Variants in CNTNAP2 observed in about 807,000 individuals in gnomAD.
CNTNAP2 encodes contactin-associated protein-like 2.
CNTNAP2 carries 98 observed loss-of-function variants against 155.2 expected under a neutral mutation model. The observed-to-expected ratio is 0.63, with a 90% confidence interval of 0.54 to 0.75. CNTNAP2 has a LOEUF of 0.75. CNTNAP2 is among the 30% of genes least tolerant of loss of function. The pLI is 0.00. For synonymous variants in CNTNAP2, 651 were observed against 631.2 expected, an observed-to-expected ratio of 1.03 and a Z score of -0.47; for missense variants, 1,727 against 1,688.1, an observed-to-expected ratio of 1.02 and a Z score of -0.40.
chr7:147,519,364 A>C (rs1403714940), intron 11 of CNTNAP2, among the ~76,000 whole-genome samples: 1 of 152,152 alleles, frequency 6.6e-6, no homozygotes, highest in East Asian at 1.9e-4. Context: ...TCACTTGTTA[A>C]GATCCTTGTG....
intron 4 of CNTNAP2, among the ~76,000 whole-genome samples, chr7:147,079,249 C>T (rs1800063971): frequency 6.6e-6 from 1 of 152,074 alleles, no homozygotes; most frequent in African/African-American, 2.4e-5. Flanking sequence ...ACTGAGGTCA[C>T]AGGGAGGTTG....
intron 13 of CNTNAP2, among the ~76,000 whole-genome samples, chr7:147,727,340 A>G (rs1264542684): frequency 1.3e-5 from 2 of 152,026 alleles, no homozygotes; most frequent in East Asian, 3.9e-4. Context: ...TTTAGGTACC[A>G]GGTAAAGAGA....
chr7:147,592,992 A>G (rs1057068378), intron 12 of CNTNAP2, among the ~76,000 whole-genome samples: 1 of 152,220 alleles, frequency 6.6e-6, no homozygotes, highest in Admixed American at 6.5e-5. Flanking sequence ...GAAAAACAAG[A>G]TTAAACCTTA....
At chr7:147,635,797 T>C (rs1795171109) in intron 12 of CNTNAP2, among the ~76,000 whole-genome samples, 1 of 152,198 alleles carries the variant, frequency 6.6e-6, no homozygotes, top group Non-Finnish European at 1.5e-5. Flanking sequence ...AAGACGTTTA[T>C]GACCCTTTAA....
Position 146,908,285 on chromosome 7 carries a change from T to C in CNTNAP2, c.402+68381T>C, listed in dbSNP as rs951362371. ...AGGATACCCAGGAATTGAACTCAGCTCTGCACCAAGCGGACCTAATAGACA... is the reference window on the plus strand; with the variant it reads ...AGGATACCCAGGAATTGAACTCAGCCCTGCACCAAGCGGACCTAATAGACA... On this transcript the variant is annotated intron_variant, in intron 3 of 23. Transcript: ENST00000361727. Among the ~76,000 whole-genome samples, 152 of 150,392 alleles carry C rather than the reference T, an allele frequency of 1.0e-3. 1 individual carries two copies. Among genetic ancestry groups the C allele is most frequent in the African/African-American group, 3.4e-3 (142 of 41,254 alleles).
intron 3 of CNTNAP2, among the ~76,000 whole-genome samples, chr7:147,035,335 T>C (rs1176045724): frequency 6.6e-6 from 1 of 152,210 alleles, no homozygotes; most frequent in Non-Finnish European, 1.5e-5. Context: ...CAGCAGGGAA[T>C]ATAGCTAGTC....
intron 11 of CNTNAP2, among the ~76,000 whole-genome samples, chr7:147,558,195 T>C (rs892844367): frequency 2.0e-5 from 3 of 152,202 alleles, no homozygotes; most frequent in African/African-American, 7.2e-5. Flanking sequence ...TTTTTATGTA[T>C]TTATAAACAT....
chr7:146,206,044 G>A (rs533508049), intron 1 of CNTNAP2, among the ~76,000 whole-genome samples: 17 of 151,892 alleles, frequency 1.1e-4, no homozygotes, highest in South Asian at 2.1e-4. Context: ...CTGTTTTGTC[G>A]TATTTTACAC....
chr7:147,807,992 A>T (rs962686864), intron 13 of CNTNAP2, among the ~76,000 whole-genome samples: 9 of 150,554 alleles, frequency 6.0e-5, no homozygotes, highest in African/African-American at 1.7e-4. Flanking sequence ...TTTTTAAAAA[A>T]AAAAAATAAA....
rs10528525 is a variant in CNTNAP2, at chr7:147,784,494, A to AAT, written c.2099-119016_2099-119015dup. 2.4e-3 allele frequency among the ~76,000 whole-genome samples: 108 copies of AAT among 44,908 alleles called. 1 individual carries two copies. The highest frequency in any genetic ancestry group is 3.9e-3 in the Non-Finnish European group (58 of 14,702). The allele number at this position is 44,908 out of a possible 152,430, so 29.5% of individuals were successfully genotyped here. On this transcript the variant is annotated intron_variant, in intron 13 of 23. Coordinates refer to ENST00000361727, the MANE Select transcript of CNTNAP2 (RefSeq NM_014141.6). Reference sequence around the variant, plus strand: ...CTCTTAATATTCTGGGCTCTGGACTAATATATATATATATATATATATATA... The same window carrying AAT: ...CTCTTAATATTCTGGGCTCTGGACTAATATATATATATATATATATATATATA...
At chr7:146,501,557 A>G (rs1340771216) in intron 1 of CNTNAP2, among the ~76,000 whole-genome samples, 1 of 152,108 alleles carries the variant, frequency 6.6e-6, no homozygotes, top group Non-Finnish European at 1.5e-5. Context: ...AAATCCTGGT[A>G]GTAATATCTA....
intron 3 of CNTNAP2, among the ~76,000 whole-genome samples, chr7:146,972,307 C>A (rs1797817721): frequency 1.3e-5 from 2 of 152,050 alleles, no homozygotes; most frequent in Non-Finnish European, 1.5e-5. Flanking sequence ...CCTAGTATTT[C>A]ATTTAAAATA....
At chr7:148,390,090 C>A (rs1446550984) in intron 22 of CNTNAP2, among the ~76,000 whole-genome samples, 1 of 152,094 alleles carries the variant, frequency 6.6e-6, no homozygotes, top group Non-Finnish European at 1.5e-5. Context: ...ACTGAATACC[C>A]AAATACTGCC....
chr7:148,292,783 C>G (rs554787219), intron 21 of CNTNAP2, among the ~76,000 whole-genome samples: 10 of 152,276 alleles, frequency 6.6e-5, no homozygotes, highest in African/African-American at 2.4e-4. Flanking sequence ...GACCAGAGAA[C>G]ACAATCTAGC....
At chr7:147,925,638 T>C (rs950093616) in intron 14 of CNTNAP2, among the ~76,000 whole-genome samples, 2 of 152,078 alleles carry the variant, frequency 1.3e-5, no homozygotes, top group African/African-American at 4.8e-5. Context: ...ATTTTTTGTA[T>C]TTTTAGTAGA....
At chr7:147,947,587 C>CAA (rs1271181824) in intron 14 of CNTNAP2, among the ~76,000 whole-genome samples, 2 of 151,830 alleles carry the variant, frequency 1.3e-5, no homozygotes, top group Non-Finnish European at 2.9e-5. Context: ...GCTATGATCG[C>CAA]TCAACTGCAC....
Position 147,300,144 on chromosome 7 carries a change from C to T in CNTNAP2, c.1352C>T (p.Ser451Phe). The T allele has an allele frequency of 6.2e-7, 1 of 1,613,942 alleles. No homozygotes were observed. ...ACTTTTATCTTGTACTTACCAGGTT[C>T]TGGGTTGAATGATGGACAGTGGCAC... ...KMSQIDISSG[S>F]GLNDGQWHEV... The change falls in exon 9 of 24, where the codon TCT becomes TTT. Residue 451 changes from serine (S) to phenylalanine (F), a missense_variant. Ser to Phe is a radical substitution (Grantham distance 155). Transcript: ENST00000361727.
chr7:146,617,017 T>TTTTGTTTGTTTGTTTG (rs60769170), intron 1 of CNTNAP2, among the ~76,000 whole-genome samples: 10 of 151,392 alleles, frequency 6.6e-5, no homozygotes, highest in African/African-American at 2.4e-4. Context: ...AACCTGGTTT[T>TTTTGTTTGTTTGTTTG]TTTGTTTGTT....
intron 12 of CNTNAP2, among the ~76,000 whole-genome samples, chr7:147,588,100 A>G (rs557477738): frequency 6.6e-6 from 1 of 152,300 alleles, no homozygotes; most frequent in East Asian, 1.9e-4. Flanking sequence ...CTGAATCCAA[A>G]AAGATAGATA....
Sources: gnomAD v4.1 joint callset for allele counts (sites outside exome capture counted in the v4.1 genomes callset) on GRCh38, gnomAD v4.1.1 for gene constraint, MANE v1.5 for transcripts, NCBI Gene and HGNC (gene_info 2026-07-23, HGNC 2026-07-21) for gene names.